DCC: variants seen among roughly 807,000 people sequenced by gnomAD.
The protein encoded by DCC is netrin receptor DCC.
In DCC, 58 loss-of-function variants were observed where a neutral mutation model predicts 172.5. That is an observed-to-expected ratio of 0.34 (90% confidence interval 0.27 to 0.42). The LOEUF is 0.42. Ranked by LOEUF, DCC falls within the 10% of genes least tolerant of loss-of-function variation. DCC has a pLI of 1.00. For synonymous variants in DCC, 709 were observed against 644.5 expected (o/e 1.10, Z -1.52); for missense variants, 1,740 against 1,791.0 (o/e 0.97, Z 0.51).
At chr18:52,418,296 T>A (rs530651392) in intron 1 of DCC, among the ~76,000 whole-genome samples, 7 of 152,314 alleles carry the variant, frequency 4.6e-5, no homozygotes, top group African/African-American at 1.7e-4. Context: ...TCTCCATTTT[T>A]ACCTAGTAAA....
chr18:53,530,582 C>G lies in DCC; in HGVS notation c.4273C>G (p.Leu1425Val). Residue 1425 changes from leucine (L) to valine (V), a missense_variant, in exon 29 of 29, where the codon CTG becomes GTG. Physicochemically the swap from Leu to Val is conservative, Grantham distance 32. Transcript: ENST00000442544. ...TTTATAGGTGTATGAACAGGATGAT[C>G]TGAGTGAACAAATGGCAAGTTTGGA... ...DSANVYEQDD[L>V]SEQMASLEGL... The G allele has an allele frequency of 6.3e-7, 1 of 1,580,172 alleles. No individual in the cohort carries two copies. Among genetic ancestry groups the G allele is most frequent in the African/African-American group, 1.3e-5 (1 of 74,314 alleles).
chr18:52,774,666 C>T (rs2037397691), intron 2 of DCC, among the ~76,000 whole-genome samples: 1 of 152,060 alleles, frequency 6.6e-6, no homozygotes, highest in Non-Finnish European at 1.5e-5. Flanking sequence ...CGCTGCTCAC[C>T]CCTCTAGGGG....
At chr18:53,030,075 T>C (rs72932086) in intron 5 of DCC, among the ~76,000 whole-genome samples, 2 of 152,098 alleles carry the variant, frequency 1.3e-5, no homozygotes, top group Admixed American at 1.3e-4. Context: ...TTTAAGAACT[T>C]CCTTTTCTTC....
chr18:52,624,178 C>G (rs1254286674), intron 1 of DCC, among the ~76,000 whole-genome samples: 1 of 152,084 alleles, frequency 6.6e-6, no homozygotes, highest in African/African-American at 2.4e-5. Flanking sequence ...CCAAGTGCAT[C>G]CTCATAAATT....
intron 22 of DCC, among the ~76,000 whole-genome samples, chr18:53,444,203 G>T (rs1259259136): frequency 6.6e-6 from 1 of 152,164 alleles, no homozygotes; most frequent in Non-Finnish European, 1.5e-5. Flanking sequence ...TTCTTGAAAG[G>T]AATGATCAAT....
chr18:53,098,939 G>T (rs112967219), intron 7 of DCC, among the ~76,000 whole-genome samples: 2 of 152,140 alleles, frequency 1.3e-5, no homozygotes. Flanking sequence ...TTGAGCCCAC[G>T]AATTCAAGGC....
intron 7 of DCC, among the ~76,000 whole-genome samples, chr18:53,122,666 C>T (rs568831905): frequency 1.5e-4 from 23 of 152,142 alleles, no homozygotes; most frequent in African/African-American, 5.5e-4. Flanking sequence ...AGATTCAATT[C>T]AGACTTTAAT....
chr18:52,961,944 T>C (rs2145569725), intron 5 of DCC, among the ~76,000 whole-genome samples: 1 of 152,310 alleles, frequency 6.6e-6, no homozygotes, highest in African/African-American at 2.4e-5. Flanking sequence ...TTACAGCTTA[T>C]ACAAACATTA....
intron 15 of DCC, among the ~76,000 whole-genome samples, chr18:53,365,374 C>T (rs1443722605): frequency 6.8e-6 from 1 of 147,206 alleles, no homozygotes; most frequent in Non-Finnish European, 1.5e-5. Context: ...CACAGGTACC[C>T]TAGAACTTAA....
At chr18:52,980,506 G>T (rs1406524129) in intron 5 of DCC, among the ~76,000 whole-genome samples, 2 of 152,024 alleles carry the variant, frequency 1.3e-5, no homozygotes, top group Non-Finnish European at 2.9e-5. Flanking sequence ...TTCAAGGGAT[G>T]ATTAGGACTA....
chr18:52,802,504 T>C (rs891501010), intron 2 of DCC, among the ~76,000 whole-genome samples: 15 of 151,356 alleles, frequency 9.9e-5, no homozygotes, highest in African/African-American at 3.6e-4. Flanking sequence ...AGACAAGGTC[T>C]CACTCTCTTG....
At chr18:52,964,444 T>C (rs545762863) in intron 5 of DCC, among the ~76,000 whole-genome samples, 5 of 152,128 alleles carry the variant, frequency 3.3e-5, no homozygotes, top group Non-Finnish European at 7.4e-5. Flanking sequence ...TGAGAGAAAC[T>C]TTGTGATTGT....
At chr18:52,794,862 C>A (rs1379502365) in intron 2 of DCC, among the ~76,000 whole-genome samples, 1 of 151,764 alleles carries the variant, frequency 6.6e-6, no homozygotes, top group Non-Finnish European at 1.5e-5. Flanking sequence ...TGAATTTTAT[C>A]TTTTTGATGC....
At position 52,921,168 on chromosome 18, in the gene DCC, A is replaced by G. The variant is rs146302505; in HGVS notation, c.698-2539A>G. On this transcript the variant is annotated intron_variant, in intron 3 of 28. Coordinates refer to ENST00000442544, the MANE Select transcript of DCC (RefSeq NM_005215.4). ...GTAAAGGGTGTAAATAATGTCAGCT[A>G]TGGACTTCAGTTAATGATAATGTAT... Among the ~76,000 whole-genome samples, 439 of 152,228 alleles carry G rather than the reference A, an allele frequency of 2.9e-3. 2 individuals carry two copies. Among genetic ancestry groups the G allele is most frequent in the African/African-American group, 0.01 (423 of 41,544 alleles).
chr18:53,181,851 A>T (rs1568351420), intron 9 of DCC, among the ~76,000 whole-genome samples: 1 of 152,200 alleles, frequency 6.6e-6, no homozygotes, highest in African/African-American at 2.4e-5. Flanking sequence ...AATACAAACA[A>T]TCTGAGTCAC....
intron 2 of DCC, among the ~76,000 whole-genome samples, chr18:52,843,489 T>C (rs2145323034): frequency 6.6e-6 from 1 of 152,248 alleles, no homozygotes; most frequent in South Asian, 2.1e-4. Flanking sequence ...TGCACAAAAT[T>C]ATTTTAATAT....
chr18:53,251,444 G>A (rs1257277987), intron 12 of DCC, among the ~76,000 whole-genome samples: 4 of 151,756 alleles, frequency 2.6e-5, no homozygotes, highest in African/African-American at 4.8e-5. Context: ...TATGTCCTAT[G>A]GATATAACTA....
intron 1 of DCC, among the ~76,000 whole-genome samples, chr18:52,486,652 C>T (rs559432947): frequency 2.6e-5 from 4 of 152,214 alleles, no homozygotes; most frequent in South Asian, 2.1e-4. Flanking sequence ...TTTCTTTCAT[C>T]GCCATGTTTT....
chr18:53,264,026 G>A (rs2056637215), intron 12 of DCC, among the ~76,000 whole-genome samples: 1 of 152,070 alleles, frequency 6.6e-6, no homozygotes, highest in South Asian at 2.1e-4. Flanking sequence ...AAATATATTA[G>A]GAAAATTCTT....
Sources: allele counts gnomAD v4.1 joint callset (sites outside exome capture counted in the v4.1 genomes callset), GRCh38; gene constraint gnomAD v4.1.1; transcripts MANE v1.5; gene names NCBI Gene and HGNC (gene_info 2026-07-23, HGNC 2026-07-21).